Variants in MTDH observed in about 807,000 individuals in gnomAD.
MTDH encodes the protein protein LYRIC.
Under a neutral mutation model 72.7 loss-of-function variants are expected in MTDH, and 34 were observed. That is an observed-to-expected ratio of 0.47 (90% CI 0.36 to 0.62). The LOEUF is 0.62. Ranked by LOEUF, MTDH falls within the 20% of genes least tolerant of loss-of-function variation. The pLI is 0.00. For missense variants in MTDH, 677 were observed against 699.4 expected (o/e 0.97, Z 0.36); for synonymous variants, 266 against 268.9 (o/e 0.99, Z 0.10).
Position 97,691,126 on chromosome 8 carries a change from C to A in MTDH, c.986C>A (p.Ala329Asp). 6.2e-7 allele frequency: 1 copy of A among 1,613,926 alleles called. No individual in the cohort carries two copies. The highest frequency in any genetic ancestry group is 1.1e-5 in the South Asian group (1 of 91,062). ...PSAWSQDTGD[A>D]NTNGKDWGRS... ...GCCTGGAGTCAAGACACTGGAGATGCTAATACAAATGGAAAAGACTGGGGA... is the reference window on the plus strand; with the variant it reads ...GCCTGGAGTCAAGACACTGGAGATGATAATACAAATGGAAAAGACTGGGGA... Residue 329 changes from alanine (A) to aspartate (D), a missense_variant, in exon 6 of 12, where the codon GCT (alanine) becomes GAT (aspartate). Physicochemically the swap from Ala to Asp is moderately radical, Grantham distance 126. Around this residue, in one of 3 missense-constraint regions of MTDH, gnomAD observed 467 missense variants for 469.1 expected, o/e 1.00. Transcript: ENST00000336273.
chr8:97,670,937 TTTG>T lies in MTDH; in HGVS notation c.483+9779_483+9781del, dbSNP rs1235208650. On this transcript the variant is annotated intron_variant, in intron 2 of 11. Coordinates refer to ENST00000336273, the MANE Select transcript of MTDH (RefSeq NM_178812.4). ...ACGCCTGGCTAATTTTTTTGTTTTTTTTGTTGTTGTTGTTGTTTTTTTTTTTTT... is the reference window on the plus strand; with the variant it reads ...ACGCCTGGCTAATTTTTTTGTTTTTTTTGTTGTTGTTGTTTTTTTTTTTTT... 3.6e-4 allele frequency among the ~76,000 whole-genome samples: 53 copies of T among 145,270 alleles called. 2 individuals carry two copies. Among genetic ancestry groups the T allele is most frequent in the East Asian group, 3.6e-3 (18 of 4,952 alleles).
intron 6 of MTDH, among the ~76,000 whole-genome samples, chr8:97,699,145 G>T (rs1454426207): frequency 2.6e-5 from 4 of 152,052 alleles, no homozygotes; most frequent in Admixed American, 6.6e-5. Context: ...AAAATTAGCT[G>T]GGTATGGTAA....
At chr8:97,669,534 G>A (rs147425234) in intron 2 of MTDH, among the ~76,000 whole-genome samples, 3 of 151,892 alleles carry the variant, frequency 2.0e-5, no homozygotes, top group Non-Finnish European at 2.9e-5. Flanking sequence ...TCCCCTCTCC[G>A]CCACTTATCC....
intron 2 of MTDH, among the ~76,000 whole-genome samples, chr8:97,667,965 A>G (rs905539134): frequency 1.4e-4 from 21 of 152,054 alleles, no homozygotes; most frequent in African/African-American, 5.1e-4. Context: ...TAAAAAATAT[A>G]TGTTGTTTAA....
chr8:97,704,942 G>A (rs2131043544), intron 7 of MTDH, among the ~76,000 whole-genome samples: 1 of 152,300 alleles, frequency 6.6e-6, no homozygotes, highest in South Asian at 2.1e-4. Context: ...GTATAGCACT[G>A]TCCCAGGAAT....
chr8:97,714,061 C>T (rs1177479102), intron 9 of MTDH, among the ~76,000 whole-genome samples: 1 of 152,106 alleles, frequency 6.6e-6, no homozygotes, highest in African/African-American at 2.4e-5. Flanking sequence ...CAGTATTTTA[C>T]ACATACAAAA....
At chr8:97,707,370 C>T (rs144701556) in intron 8 of MTDH, among the ~76,000 whole-genome samples, 87 of 150,864 alleles carry the variant, frequency 5.8e-4, no homozygotes, top group African/African-American at 1.9e-3. Context: ...AGCTGGTCTC[C>T]AACTCCAGAC....
intron 2 of MTDH, among the ~76,000 whole-genome samples, chr8:97,675,692 C>T (rs1182385766): frequency 2.0e-5 from 3 of 151,806 alleles, no homozygotes; most frequent in Admixed American, 6.6e-5. Flanking sequence ...GGCAACATGG[C>T]AAAACCCTGT....
At position 97,728,354 on chromosome 8, in the gene MTDH, T is replaced by A. The variant is rs1233477290; in HGVS notation, c.*3684T>A. 6.6e-6 allele frequency: 1 copy of A among 152,224 alleles called. No individual in the cohort carries two copies. The highest frequency in any genetic ancestry group is 1.9e-4 in the East Asian group (1 of 5,200). The allele number at this position is 152,224 out of a possible 1,614,324, so 9.4% of individuals were successfully genotyped here. On this transcript the variant is annotated 3_prime_UTR_variant, in exon 12 of 12. Transcript: ENST00000336273. ...AGCTAGACTAAACTTTTTGTTGTTG[T>A]TTTCCTAAAACCATAGGTGCAAGCT...
In MTDH at chr8:97,687,508, A is replaced by G. The variant is rs1202297482; in HGVS notation, c.648A>G (p.Ser216=). The stretch of plus-strand genomic sequence containing the variant: ...ATAAGGTGCTGACTGATTCTGGTTC[A>G]TTGGATTCAACTATCCCTGGGATAG... ...KRDKVLTDSG[S]LDSTIPGIEN... is the part of the protein sequence containing the mutation. Residue 216 remains serine, a synonymous_variant, in exon 4 of 12, where the codon TCA becomes TCG. Coordinates refer to ENST00000336273, the MANE Select transcript of MTDH (RefSeq NM_178812.4). 5.0e-6 allele frequency: 8 copies of G among 1,613,814 alleles called. No individual in the cohort carries two copies. Among genetic ancestry groups the G allele is most frequent in the Admixed American group, 1.7e-5 (1 of 59,984 alleles).
In MTDH at chr8:97,644,881, G is replaced by A. The variant is rs1282700739; in HGVS notation, c.375G>A (p.Lys125=). The A allele has an allele frequency of 6.4e-7, 1 of 1,552,072 alleles. No individual in the cohort carries two copies. The highest frequency in any genetic ancestry group is 8.6e-7 in the Non-Finnish European group (1 of 1,160,518). ...KKKNRKKLSE[K]PKPNGRTVEV... ...AGAACCGGAAGAAACTGTCCGAGAA[G>A]CCCAAAGTGAGTATGGGATGAGCGG... The change falls in exon 1 of 12, where the codon AAG becomes AAA. Residue 125 remains lysine, a synonymous_variant. Coordinates refer to ENST00000336273, the MANE Select transcript of MTDH (RefSeq NM_178812.4).
intron 4 of MTDH, among the ~76,000 whole-genome samples, chr8:97,688,130 A>G (rs1813438616): frequency 6.6e-6 from 1 of 152,154 alleles, no homozygotes. Context: ...TCAAGTATTA[A>G]TATTTCAGAT....
At chr8:97,696,873 G>A (rs185595677) in intron 6 of MTDH, among the ~76,000 whole-genome samples, 7 of 151,498 alleles carry the variant, frequency 4.6e-5, no homozygotes, top group East Asian at 1.9e-4. Context: ...ATCCCAGCAC[G>A]TAGCGAGGCT....
chr8:97,716,466 G>T (rs1814876740), intron 9 of MTDH, among the ~76,000 whole-genome samples: 1 of 152,004 alleles, frequency 6.6e-6, no homozygotes, highest in African/African-American at 2.4e-5. Context: ...GAGGCGGGTG[G>T]ATCACAAGGT....
At chr8:97,718,386 A>C (rs1450106101) in intron 9 of MTDH, among the ~76,000 whole-genome samples, 1 of 152,180 alleles carries the variant, frequency 6.6e-6, no homozygotes, top group Non-Finnish European at 1.5e-5. Flanking sequence ...CCAAAATTGG[A>C]ATTTTCTGTC....
At chr8:97,657,486 A>G (rs1343046830) in intron 1 of MTDH, among the ~76,000 whole-genome samples, 2 of 151,954 alleles carry the variant, frequency 1.3e-5, no homozygotes, top group African/African-American at 2.4e-5. Context: ...AGAGAAAACT[A>G]CTTTTTTTTT....
chr8:97,655,470 G>C (rs1362555807), intron 1 of MTDH, among the ~76,000 whole-genome samples: 1 of 152,186 alleles, frequency 6.6e-6, no homozygotes, highest in African/African-American at 2.4e-5. Flanking sequence ...GGATATATTT[G>C]CTTATTATTT....
In MTDH at chr8:97,722,965, G is replaced by GT. The variant is rs1815189873; in HGVS notation, c.1608_1609insT (p.Pro537SerfsTer9). 11 of 1,614,078 alleles carry GT rather than the reference G, an allele frequency of 6.8e-6. No individual in the cohort carries two copies. Among genetic ancestry groups the GT allele is most frequent in the Non-Finnish European group, 9.3e-6 (11 of 1,179,966 alleles). ...ATTCTGACAAGAGCTCTTCCCAAGT[G>GT]CCGCCAATACTACAAGAGACAGATA... On this transcript the variant is annotated frameshift_variant, in exon 11 of 12. Transcript: ENST00000336273. LOFTEE classifies it high-confidence loss of function.
intron 7 of MTDH, among the ~76,000 whole-genome samples, chr8:97,702,354 C>G (rs548892997): frequency 1.3e-5 from 2 of 152,316 alleles, no homozygotes; most frequent in South Asian, 2.1e-4. Flanking sequence ...CTTAACTTCC[C>G]TGCCTTTGCC....
Sources: allele counts gnomAD v4.1 joint callset (sites outside exome capture counted in the v4.1 genomes callset), GRCh38; gene constraint gnomAD v4.1.1; regional missense constraint gnomAD v4.1.1; transcripts MANE v1.5; gene names NCBI Gene and HGNC (gene_info 2026-07-23, HGNC 2026-07-21).